The following PIEZO2 variants were observed in gnomAD, a reference collection of about 807,000 sequenced individuals.
PIEZO2 encodes piezo-type mechanosensitive ion channel component 2.
In PIEZO2, 172 loss-of-function variants were observed where a neutral mutation model predicts 337.3. That is an observed-to-expected ratio of 0.51 (90% CI 0.45 to 0.58). PIEZO2 has a LOEUF of 0.58. Among genes scored for constraint, PIEZO2 ranks in the 20% least tolerant of loss-of-function variants. The probability of loss-of-function intolerance (pLI) is 0.00; values close to 1 mark genes in which losing one functional copy is unlikely to be tolerated. For missense variants in PIEZO2, 3,028 were observed against 3,391.3 expected, an observed-to-expected ratio of 0.89 and a Z score of 2.66; for synonymous variants, 1,251 against 1,228.5, an observed-to-expected ratio of 1.02 and a Z score of -0.38.
At chr18:10,812,310 A>G (rs1246096975) in intron 7 of PIEZO2, among the ~76,000 whole-genome samples, 1 of 152,152 alleles carries the variant, frequency 6.6e-6, no homozygotes, top group Non-Finnish European at 1.5e-5. Flanking sequence ...CTCACTTGTA[A>G]GTGGGAGTTA....
chr18:11,127,421 C>T lies in PIEZO2; in HGVS notation c.64+21104G>A, dbSNP rs1221602298. Among the ~76,000 whole-genome samples, 1 of 152,052 alleles carries T rather than the reference C, an allele frequency of 6.6e-6. No homozygotes were observed. Among genetic ancestry groups the T allele is most frequent in the East Asian group, 1.9e-4 (1 of 5,182 alleles). On this transcript the variant is annotated intron_variant, in intron 1 of 55. Coordinates refer to ENST00000674853, the MANE Select transcript of PIEZO2 (RefSeq NM_001378183.1). The surrounding 1 kb of genome is among the most constrained non-coding windows in gnomAD (Gnocchi z 4.5). ...AGAGATTACCATTTGAGACAGTGGG[C>T]TGGGGAAGGCAGACCCACCCTTAAT...
chr18:10,949,285 G>T (rs1252594122), intron 3 of PIEZO2, among the ~76,000 whole-genome samples: 5 of 152,082 alleles, frequency 3.3e-5, no homozygotes, highest in African/African-American at 1.2e-4. Flanking sequence ...ATGTACATTT[G>T]CCCTTCACAT....
chr18:10,948,308 CTTTA>C (rs1460675887), intron 3 of PIEZO2, among the ~76,000 whole-genome samples: 1 of 152,056 alleles, frequency 6.6e-6, no homozygotes, highest in Non-Finnish European at 1.5e-5. Flanking sequence ...ACCAACAGCT[CTTTA>C]TTTATCAAAG....
intron 1 of PIEZO2, among the ~76,000 whole-genome samples, chr18:11,088,095 A>G (rs2038964844): frequency 6.6e-6 from 1 of 152,208 alleles, no homozygotes; most frequent in Non-Finnish European, 1.5e-5. Flanking sequence ...CTCAATGTAT[A>G]CTTGGGACAC....
chr18:11,130,606 G>A (rs1463355463), intron 1 of PIEZO2, among the ~76,000 whole-genome samples: 1 of 152,226 alleles, frequency 6.6e-6, no homozygotes, highest in Non-Finnish European at 1.5e-5. Flanking sequence ...ACTTATTGGA[G>A]AGACATTTGT....
At chr18:10,753,551 C>T (rs1463267861) in intron 27 of PIEZO2, among the ~76,000 whole-genome samples, 1 of 152,180 alleles carries the variant, frequency 6.6e-6, no homozygotes. Context: ...AGGAGTCACA[C>T]CTACAGGCCA....
At chr18:11,089,577 C>T (rs981688949) in intron 1 of PIEZO2, among the ~76,000 whole-genome samples, 6 of 152,152 alleles carry the variant, frequency 3.9e-5, no homozygotes, top group East Asian at 1.9e-4. Flanking sequence ...AACCTCCAAC[C>T]GGCATTTCTG....
intron 1 of PIEZO2, among the ~76,000 whole-genome samples, chr18:11,136,196 G>A (rs1046795752): frequency 6.6e-6 from 1 of 152,340 alleles, no homozygotes; most frequent in East Asian, 1.9e-4. Context: ...TGAGGCGGGG[G>A]CATCCGGCAC....
In PIEZO2 at chr18:10,854,217, T is replaced by A. The variant is rs1033747722; in HGVS notation, c.917+1136A>T. 6.6e-6 allele frequency among the ~76,000 whole-genome samples: 1 copy of A among 152,254 alleles called. No individual in the cohort carries two copies. The highest frequency in any genetic ancestry group is 1.5e-5 in the Non-Finnish European group (1 of 68,048). On this transcript the variant is annotated intron_variant, in intron 7 of 55. Coordinates refer to ENST00000674853, the MANE Select transcript of PIEZO2 (RefSeq NM_001378183.1). This position sits in a 1 kb window ranked among gnomAD's most constrained non-coding sequence, Gnocchi z 4.6. ...TAGGTCAAAAGTCTTAACCATATGATGCTGTATAGCTCATCTGTTGCATCA... is the reference window on the plus strand; with the variant it reads ...TAGGTCAAAAGTCTTAACCATATGAAGCTGTATAGCTCATCTGTTGCATCA...
At position 11,035,353 on chromosome 18, in the gene PIEZO2, C is replaced by G. The variant is rs1433077639; in HGVS notation, c.160+30774G>C. Among the ~76,000 whole-genome samples the G allele has an allele frequency of 6.6e-6, 1 of 152,108 alleles. No individual in the cohort carries two copies. The highest frequency in any genetic ancestry group is 1.5e-5 in the Non-Finnish European group (1 of 68,012). ...TCTCTCTTTCTCTCTCTCTCATTCC[C>G]TCTCTCACCATGCAACAGGCTTGCC... is the stretch of plus-strand genomic sequence containing the variant. On this transcript the variant is annotated intron_variant, in intron 2 of 55. Coordinates refer to ENST00000674853, the MANE Select transcript of PIEZO2 (RefSeq NM_001378183.1). This position sits in a 1 kb window ranked among gnomAD's most constrained non-coding sequence, Gnocchi z 4.3.
At chr18:10,887,170 A>G (rs1475722257) in intron 4 of PIEZO2, among the ~76,000 whole-genome samples, 1 of 148,738 alleles carries the variant, frequency 6.7e-6, no homozygotes, top group Non-Finnish European at 1.5e-5. Context: ...CCTGGGTTCA[A>G]GCGATCCTCC....
At chr18:10,930,576 CTG>C in intron 3 of PIEZO2, among the ~76,000 whole-genome samples, 1 of 152,344 alleles carries the variant, frequency 6.6e-6, no homozygotes, top group Non-Finnish European at 1.5e-5. Context: ...CCTCCTGAGG[CTG>C]TGTCATAGGT....
At chr18:10,708,670 T>G (rs1458884030) in intron 39 of PIEZO2, among the ~76,000 whole-genome samples, 1 of 152,182 alleles carries the variant, frequency 6.6e-6, no homozygotes, top group Non-Finnish European at 1.5e-5. Context: ...AGTGACACAT[T>G]ACAAAATGGC....
rs1201443337 is a variant in PIEZO2 at position 11,148,914 on chromosome 18, C to T, written c.-326G>A. Among the ~76,000 whole-genome samples, 1 of 152,144 alleles carries T rather than the reference C, an allele frequency of 6.6e-6. No homozygotes were observed. Among genetic ancestry groups the T allele is most frequent in the Admixed American group, 6.5e-5 (1 of 15,286 alleles). On this transcript the variant is annotated 5_prime_UTR_variant, in exon 1 of 56. Coordinates refer to ENST00000674853, the MANE Select transcript of PIEZO2 (RefSeq NM_001378183.1). The surrounding 1 kb of genome is among the most constrained non-coding windows in gnomAD (Gnocchi z 5.2). ...GCGGCTTCTTCAGGGGTAGCTGATG[C>T]CGGGGCCTTGGAGAGGGACGCTTTG... is the stretch of plus-strand genomic sequence containing the variant.
intron 1 of PIEZO2, among the ~76,000 whole-genome samples, chr18:11,115,123 A>C (rs1409835609): frequency 1.3e-5 from 2 of 152,206 alleles, no homozygotes; most frequent in Non-Finnish European, 2.9e-5. Flanking sequence ...GTACATTCAG[A>C]CTTAGCTATT....
intron 2 of PIEZO2, among the ~76,000 whole-genome samples, chr18:11,018,033 C>T (rs1201468710): frequency 6.6e-6 from 1 of 152,138 alleles, no homozygotes; most frequent in Non-Finnish European, 1.5e-5. Flanking sequence ...GTTCTGGTGG[C>T]TAAAAGTCTG....
chr18:10,870,630 A>C lies in PIEZO2; in HGVS notation c.492+623T>G, dbSNP rs1470610214. ...AGCTCTGATACCCAAGGACGAAAAT[A>C]GGACAAGCTTCCAATTCAGCAGTTG... On this transcript the variant is annotated intron_variant, in intron 5 of 55. Transcript: ENST00000674853. The surrounding 1 kb of genome is among the most constrained non-coding windows in gnomAD (Gnocchi z 5.3). Among the ~76,000 whole-genome samples, 1 of 151,668 alleles carries C rather than the reference A, an allele frequency of 6.6e-6. No homozygotes were observed. The highest frequency in any genetic ancestry group is 1.9e-4 in the East Asian group (1 of 5,204).
chr18:10,999,114 C>A (rs1008520033), intron 2 of PIEZO2, among the ~76,000 whole-genome samples: 1 of 147,556 alleles, frequency 6.8e-6, no homozygotes, highest in Non-Finnish European at 1.5e-5. Flanking sequence ...ACTTAAGAAA[C>A]AATCCACGCC....
chr18:10,835,786 C>T (rs568052412), intron 7 of PIEZO2, among the ~76,000 whole-genome samples: 1 of 152,334 alleles, frequency 6.6e-6, no homozygotes, highest in Admixed American at 6.5e-5. Context: ...TCAGATGATC[C>T]GCCCACCTTG....
Sources: allele counts gnomAD v4.1 joint callset (sites outside exome capture counted in the v4.1 genomes callset), GRCh38; gene constraint gnomAD v4.1.1; non-coding constraint Gnocchi (gnomAD v3.1); transcripts MANE v1.5; gene names NCBI Gene and HGNC (gene_info 2026-07-23, HGNC 2026-07-21).